Variants in HMCN2 observed in about 807,000 individuals in gnomAD.
The protein encoded by HMCN2 is hemicentin-2.
In HMCN2, 325 loss-of-function variants were observed where a neutral mutation model predicts 377.5. That is an observed-to-expected ratio of 0.86 (90% CI 0.79 to 0.94). HMCN2 has a LOEUF of 0.94. Among genes scored for constraint, HMCN2 ranks in the 40% least tolerant of loss-of-function variants. The pLI, the probability that HMCN2 is intolerant of heterozygous loss-of-function variation, is 0.00. For synonymous variants in HMCN2, 2,007 were observed against 2,046.8 expected (o/e 0.98, Z 0.53); for missense variants, 4,543 against 4,725.3 (o/e 0.96, Z 1.13).
chr9:130,430,465 C>T lies in HMCN2; in HGVS notation c.14508C>T (p.Pro4836=), dbSNP rs912216867. The T allele has an allele frequency of 1.5e-5, 24 of 1,550,494 alleles. No individual in the cohort carries two copies. In the East Asian group the frequency reaches 4.9e-4, roughly 32 times the overall value. ...TCAGCCACCGAGGCCCTCTATTGCCCTGGCTGCGGCCCTGGGCCTCGATCC... is the reference window on the plus strand; with the variant it reads ...TCAGCCACCGAGGCCCTCTATTGCCTTGGCTGCGGCCCTGGGCCTCGATCC... ...TTVSHRGPLL[P]WLRPWASIPG... The change falls in exon 95 of 98, where the codon CCC becomes CCT. Residue 4836 remains proline, a synonymous_variant. Coordinates refer to ENST00000683500, the MANE Select transcript of HMCN2 (RefSeq NM_001291815.2).
intron 48 of HMCN2, among the ~76,000 whole-genome samples, chr9:130,373,707 A>AGATGGATGGATGGATG (rs942219791): frequency 0.022 from 2,591 of 115,412 alleles, 200 homozygotes; most frequent in African/African-American, 0.031. Flanking sequence ...ATGGATAGGT[A>AGATGGATGGATGGATG]GATGGATGGA....
Position 130,360,751 on chromosome 9 carries a change from ACCAT to A in HMCN2, c.5950+182_5950+185del, listed in dbSNP as rs199552416. The A allele has an allele frequency of 0.33, 93,168 of 281,170 alleles. 18,146 individuals are homozygous for A. Among genetic ancestry groups the A allele is most frequent in the Middle Eastern group, 0.38 (254 of 672 alleles). The allele number at this position is 281,170 out of a possible 1,614,324, so 17.4% of individuals were successfully genotyped here. On this transcript the variant is annotated intron_variant, in intron 38 of 97. Transcript: ENST00000683500. The surrounding 1 kb of genome is among the most constrained non-coding windows in gnomAD (Gnocchi z 4.7). ...ACCCCATCCATCCATCATCCATCCA[ACCAT>A]CCATCCATCCATCCATCCATCCATC...
chr9:130,385,653 C>G lies in HMCN2; in HGVS notation c.9200C>G (p.Ala3067Gly), dbSNP rs1052451359. Reference protein sequence around the residue: ...DKAVLSCETDALPEPTVTWYK... With the variant: ...DKAVLSCETDGLPEPTVTWYK... ...GCTGTCCTGAGCTGCGAGACAGATG[C>G]GCTCCCTGAGCCAACTGTGACCTGG... is the stretch of plus-strand genomic sequence containing the variant. The change falls in exon 60 of 98, where the codon GCG becomes GGG. Residue 3067 changes from alanine (A) to glycine (G), a missense_variant. Coordinates refer to ENST00000683500, the MANE Select transcript of HMCN2 (RefSeq NM_001291815.2). The G allele has an allele frequency of 3.8e-6, 5 of 1,304,132 alleles. No homozygotes were observed. The Admixed American group carries it at 1.1e-4, about 30-fold the overall frequency. 80.8% of individuals were successfully genotyped at this position (1,304,132 alleles called of 1,614,324 possible). A position where few individuals can be genotyped will look rare whatever the true frequency, so the allele number is the denominator to read the frequency against.
At chr9:130,287,136 C>T (rs1201197816) in intron 4 of HMCN2, among the ~76,000 whole-genome samples, 2 of 152,174 alleles carry the variant, frequency 1.3e-5, no homozygotes, top group African/African-American at 2.4e-5. Flanking sequence ...GGAGCCTACA[C>T]AAGTGGCTCC....
chr9:130,277,753 A>G (rs1274304970), intron 1 of HMCN2, among the ~76,000 whole-genome samples: 8 of 133,180 alleles, frequency 6.0e-5, no homozygotes, highest in African/African-American at 2.2e-4. Flanking sequence ...CACCACCACC[A>G]TCATCATCAT....
chr9:130,339,817 G>C (rs1214120534), intron 23 of HMCN2, among the ~76,000 whole-genome samples: 2 of 152,226 alleles, frequency 1.3e-5, no homozygotes, highest in Non-Finnish European at 2.9e-5. Context: ...CCCATGGGTG[G>C]TTTTATATCC....
chr9:130,332,693 C>T (rs1195777644), intron 22 of HMCN2, among the ~76,000 whole-genome samples: 3 of 152,352 alleles, frequency 2.0e-5, no homozygotes, highest in African/African-American at 7.2e-5. Flanking sequence ...CTCATGTGGC[C>T]TCCTCACGGG....
chr9:130,382,364 G>C (rs2131637530), intron 55 of HMCN2, 67 bp downstream of exon 55: 1 of 702,408 alleles, frequency 1.4e-6, no homozygotes, highest in East Asian at 1.3e-4. Flanking sequence ...TCCCTCAGAA[G>C]GGGCCGAGGC....
chr9:130,317,013 T>G (rs1837596011), intron 15 of HMCN2, among the ~76,000 whole-genome samples: 1 of 151,838 alleles, frequency 6.6e-6, no homozygotes, highest in African/African-American at 2.4e-5. Context: ...CACAGACCCA[T>G]GGAGTCACAG....
intron 1 of HMCN2, among the ~76,000 whole-genome samples, chr9:130,280,471 C>G (rs1835056016): frequency 6.6e-6 from 1 of 151,930 alleles, no homozygotes; most frequent in South Asian, 2.1e-4. Context: ...CGCGCCTGGC[C>G]TGTGTGTTGT....
intron 23 of HMCN2, among the ~76,000 whole-genome samples, chr9:130,340,342 G>A (rs1254787451): frequency 6.6e-6 from 1 of 152,232 alleles, no homozygotes; most frequent in African/African-American, 2.4e-5. Context: ...GAGGGGTTGT[G>A]ATGAGGGGGA....
rs1836584000 is a variant in HMCN2 at position 130,302,717 on chromosome 9, G to C, written c.1277-140G>C. On this transcript the variant is annotated intron_variant, in intron 8 of 97. Transcript: ENST00000683500. ...ACCCCATTTTGCAGAGGTGAAAACT[G>C]AGCTTAGAGAGGTGACCAGGGGAGC... 7 of 294,084 alleles carry C rather than the reference G, an allele frequency of 2.4e-5. 1 individual carries two copies. The highest frequency in any genetic ancestry group is 2.1e-4 in the South Asian group (7 of 33,456). The allele number at this position is 294,084 out of a possible 1,614,324, so 18.2% of individuals were successfully genotyped here.
intron 1 of HMCN2, among the ~76,000 whole-genome samples, chr9:130,275,318 C>T (rs1268714538): frequency 6.6e-5 from 10 of 152,154 alleles, no homozygotes; most frequent in Admixed American, 4.6e-4. Context: ...AGGATGCAGG[C>T]GTGCAGAGCA....
At chr9:130,350,719 T>C (rs916257197) in intron 29 of HMCN2, among the ~76,000 whole-genome samples, 7 of 90,664 alleles carry the variant, frequency 7.7e-5, no homozygotes, top group African/African-American at 2.2e-4. Context: ...ACCTCGTCTC[T>C]ACTAAAAATA....
At chr9:130,316,897 A>G (rs1837590720) in intron 15 of HMCN2, among the ~76,000 whole-genome samples, 1 of 152,128 alleles carries the variant, frequency 6.6e-6, no homozygotes, top group South Asian at 2.1e-4. Context: ...AGCCTCCCAC[A>G]TGTACAATGA....
Position 130,400,859 on chromosome 9 carries a change from C to A in HMCN2, c.11682C>A (p.Ser3894Arg). The change falls in exon 77 of 98, where the codon AGC (serine) becomes AGA (arginine). Residue 3894 changes from serine to arginine, a missense_variant. Physicochemically the swap from Ser to Arg is moderately radical, Grantham distance 110. Transcript: ENST00000683500. ...CACCTGTGGTCCTCACATGTCACAG[C>A]ACGGGTATACCAGCTCCGACCGTGT... ...MMAPVVLTCH[S>R]TGIPAPTVSW... The A allele has an allele frequency of 7.8e-7, 1 of 1,289,696 alleles. No individual in the cohort carries two copies. The highest frequency in any genetic ancestry group is 1.0e-6 in the Non-Finnish European group (1 of 988,814). The allele number at this position is 1,289,696 out of a possible 1,614,324, so 79.9% of individuals were successfully genotyped here. A position where few individuals can be genotyped will look rare whatever the true frequency, so the allele number is the denominator to read the frequency against.
Position 130,397,545 on chromosome 9 carries a change from A to C in HMCN2, c.11216A>C (p.Glu3739Ala), listed in dbSNP as rs1217336944. 3 of 1,289,814 alleles carry C rather than the reference A, an allele frequency of 2.3e-6. No individual in the cohort carries two copies. The highest frequency in any genetic ancestry group is 3.0e-6 in the Non-Finnish European group (3 of 988,868). The allele number at this position is 1,289,814 out of a possible 1,614,324, so 79.9% of individuals were successfully genotyped here. Residue 3739 changes from glutamate (E) to alanine (A), a missense_variant, in exon 74 of 98, where the codon GAG (glutamate) becomes GCG (alanine). Physicochemically the swap from Glu to Ala is moderately radical, Grantham distance 107. Transcript: ENST00000683500. Reference protein sequence around the residue: ...PRSPRFEILPEGSLRIQPVLA... With the variant: ...PRSPRFEILPAGSLRIQPVLA... ...CATTCTAGGTTTGAAATTCTGCCTGAGGGTTCCCTGAGAATCCAGCCAGTC... is the reference window on the plus strand; with the variant it reads ...CATTCTAGGTTTGAAATTCTGCCTGCGGGTTCCCTGAGAATCCAGCCAGTC...
Position 130,382,226 on chromosome 9 carries a change from C to T in HMCN2, c.8474C>T (p.Ala2825Val). The change falls in exon 55 of 98, where the codon GCC becomes GTC. Residue 2825 changes from alanine to valine, a missense_variant. Physicochemically the swap from Ala to Val is moderately conservative, Grantham distance 64. This residue lies in a region of HMCN2 where 736 missense variants were observed against 773.2 expected (regional missense o/e 0.95). Transcript: ENST00000683500. ...ATCCCCCTGGTGCGGGCAGAGAACG[C>T]CGGGAGGTACTCGTGCAAGGCCTCC... ...LQIPLVRAEN[A>V]GRYSCKASNE... is the part of the protein sequence containing the mutation. The T allele has an allele frequency of 1.0e-6, 1 of 985,836 alleles. No individual in the cohort carries two copies. The highest frequency in any genetic ancestry group is 1.7e-5 in the African/African-American group (1 of 57,348). 61.1% of individuals were successfully genotyped at this position (985,836 alleles called of 1,614,324 possible).
intron 84 of HMCN2, among the ~76,000 whole-genome samples, chr9:130,409,534 T>C (rs1843301156): frequency 6.6e-6 from 1 of 152,216 alleles, no homozygotes; most frequent in Non-Finnish European, 1.5e-5. Context: ...TTGGGAGCCT[T>C]TCTCTGGGTA....
Sources: gnomAD v4.1 joint callset for allele counts (sites outside exome capture counted in the v4.1 genomes callset) on GRCh38, gnomAD v4.1.1 for gene constraint, gnomAD v4.1.1 regional missense constraint, Gnocchi (gnomAD v3.1) non-coding constraint, MANE v1.5 for transcripts, NCBI Gene and HGNC (gene_info 2026-07-23, HGNC 2026-07-21) for gene names.